Variants in OPCML observed in about 807,000 individuals in gnomAD.
The protein encoded by OPCML is opioid binding protein/cell adhesion molecule like, also known as opioid-binding protein/cell adhesion molecule.
A neutral mutation model predicts 37.8 loss-of-function variants in OPCML; 13 were observed. That is an observed-to-expected ratio of 0.34 (90% CI 0.22 to 0.55). OPCML has a LOEUF of 0.55. Ranked by LOEUF, OPCML falls within the 20% of genes least tolerant of loss-of-function variation. The pLI, the probability that OPCML is intolerant of heterozygous loss-of-function variation, is 0.91. For synonymous variants in OPCML, 176 were observed against 168.8 expected, an observed-to-expected ratio of 1.04 and a Z score of -0.33; for missense variants, 341 against 435.6, an observed-to-expected ratio of 0.78 and a Z score of 1.93.
intron 2 of OPCML, among the ~76,000 whole-genome samples, chr11:132,931,793 A>G (rs1421874960): frequency 6.6e-6 from 1 of 152,224 alleles, no homozygotes; most frequent in Non-Finnish European, 1.5e-5. Context: ...TGCAATCCAG[A>G]ATTGAAAGCT....
At position 133,376,590 on chromosome 11, in the gene OPCML, A is replaced by C. The variant is rs868117628; in HGVS notation, c.61+155674T>G. Among the ~76,000 whole-genome samples, 7 of 152,310 alleles carry C rather than the reference A, an allele frequency of 4.6e-5. No individual in the cohort carries two copies. The South Asian group carries it at 1.5e-3, about 32-fold the overall frequency. On this transcript the variant is annotated intron_variant, in intron 1 of 7. Transcript: ENST00000524381. The stretch of plus-strand genomic sequence containing the variant: ...AAATACATTTATGTGGTTTATGAGA[A>C]TAGGAAAGTGACTAGGCTTTTTAAA...
intron 2 of OPCML, among the ~76,000 whole-genome samples, chr11:132,670,911 G>T (rs540335063): frequency 6.6e-6 from 1 of 152,218 alleles, no homozygotes; most frequent in South Asian, 2.1e-4. Flanking sequence ...TTTACAGTTT[G>T]GAAAATTAAG....
chr11:132,932,566 A>G (rs1945243949), intron 2 of OPCML, among the ~76,000 whole-genome samples: 1 of 151,738 alleles, frequency 6.6e-6, no homozygotes, highest in Non-Finnish European at 1.5e-5. Context: ...TTCAACATAC[A>G]TGGATGCTCA....
chr11:133,325,908 G>A (rs1943438051), intron 1 of OPCML, among the ~76,000 whole-genome samples: 1 of 152,144 alleles, frequency 6.6e-6, no homozygotes, highest in Admixed American at 6.6e-5. Flanking sequence ...TCAGTCTTTT[G>A]TGTGCTAATG....
chr11:132,951,526 T>C (rs564066920), intron 1 of OPCML, among the ~76,000 whole-genome samples: 1 of 152,336 alleles, frequency 6.6e-6, no homozygotes, highest in Admixed American at 6.5e-5. Flanking sequence ...GCTCAGAATT[T>C]CAACATACGA....
At chr11:132,734,795 A>G (rs1565819263) in intron 2 of OPCML, among the ~76,000 whole-genome samples, 2 of 152,204 alleles carry the variant, frequency 1.3e-5, no homozygotes, top group Non-Finnish European at 2.9e-5. Flanking sequence ...AGGCTACAGG[A>G]TATTGATGAA....
At chr11:133,139,680 G>A (rs1346847902) in intron 1 of OPCML, among the ~76,000 whole-genome samples, 1 of 152,190 alleles carries the variant, frequency 6.6e-6, no homozygotes, top group East Asian at 1.9e-4. Context: ...TATGGGAACA[G>A]GGAATATCAC....
chr11:132,576,628 G>A (rs2096451512), intron 3 of OPCML, among the ~76,000 whole-genome samples: 1 of 152,000 alleles, frequency 6.6e-6, no homozygotes. Context: ...TCAGTTTCTG[G>A]AGAGTTATTT....
At chr11:133,247,350 C>T (rs1287062432) in intron 1 of OPCML, among the ~76,000 whole-genome samples, 1 of 152,138 alleles carries the variant, frequency 6.6e-6, no homozygotes, top group Non-Finnish European at 1.5e-5. Context: ...TAATTATACA[C>T]CTACTATATA....
At chr11:133,369,030 G>A (rs1393824679) in intron 1 of OPCML, among the ~76,000 whole-genome samples, 2 of 152,164 alleles carry the variant, frequency 1.3e-5, no homozygotes, top group Admixed American at 6.5e-5. Context: ...CTTCATGATA[G>A]GCAGAATGCC....
chr11:132,693,242 T>C (rs1202481999), intron 2 of OPCML, among the ~76,000 whole-genome samples: 2 of 152,188 alleles, frequency 1.3e-5, no homozygotes, highest in Non-Finnish European at 2.9e-5. Flanking sequence ...TGGAAGACTG[T>C]GCTCTAAGAT....
At chr11:133,180,094 G>C (rs898630368) in intron 1 of OPCML, among the ~76,000 whole-genome samples, 2 of 152,326 alleles carry the variant, frequency 1.3e-5, no homozygotes, top group East Asian at 3.9e-4. Flanking sequence ...TAGGGTGTGA[G>C]TGATGAGCAC....
intron 4 of OPCML, among the ~76,000 whole-genome samples, chr11:132,437,787 T>C (rs1033609254): frequency 6.6e-6 from 1 of 152,240 alleles, no homozygotes; most frequent in African/African-American, 2.4e-5. Context: ...TAATTTTTCA[T>C]TTGTAGAAAT....
intron 2 of OPCML, among the ~76,000 whole-genome samples, chr11:132,923,359 T>C (rs1322472450): frequency 6.6e-6 from 1 of 152,160 alleles, no homozygotes; most frequent in Non-Finnish European, 1.5e-5. Context: ...GAATCTGTAT[T>C]CTAAAAAATC....
chr11:133,322,222 G>A (rs920101318), intron 1 of OPCML, among the ~76,000 whole-genome samples: 2 of 152,156 alleles, frequency 1.3e-5, no homozygotes, highest in African/African-American at 4.8e-5. Flanking sequence ...ATTAAAATTG[G>A]TTTCATTCTC....
intron 1 of OPCML, among the ~76,000 whole-genome samples, chr11:133,346,201 G>T (rs912636126): frequency 1.3e-5 from 2 of 152,160 alleles, no homozygotes; most frequent in African/African-American, 2.4e-5. Flanking sequence ...GACTTTAGTT[G>T]TCAACGTTAC....
chr11:132,437,163 G>A, intron 5 of OPCML, 59 bp downstream of exon 5: 1 of 1,588,268 alleles, frequency 6.3e-7, no homozygotes. Context: ...TTACCAGATT[G>A]TCCACCTACT....
intron 3 of OPCML, among the ~76,000 whole-genome samples, chr11:132,549,305 T>C (rs1285506109): frequency 3.9e-5 from 6 of 152,228 alleles, no homozygotes; most frequent in Non-Finnish European, 7.3e-5. Context: ...GAAGTTACCC[T>C]ATGTGGTCTA....
At chr11:133,218,136 G>A (rs897413355) in intron 1 of OPCML, among the ~76,000 whole-genome samples, 4 of 152,038 alleles carry the variant, frequency 2.6e-5, no homozygotes, top group African/African-American at 9.7e-5. Context: ...AATGCCATGT[G>A]TATTTTTTTT....
Sources: allele counts gnomAD v4.1 joint callset (sites outside exome capture counted in the v4.1 genomes callset), GRCh38; gene constraint gnomAD v4.1.1; transcripts MANE v1.5; gene names NCBI Gene and HGNC (gene_info 2026-07-23, HGNC 2026-07-21).